Variants in RNF38 observed in about 807,000 individuals in gnomAD.
RNF38 encodes E3 ubiquitin-protein ligase RNF38.
Under a neutral mutation model 67.2 loss-of-function variants are expected in RNF38, and 15 were observed. The ratio of observed to expected loss-of-function variants is 0.22; its 90% CI spans 0.15 to 0.34. The LOEUF (loss-of-function observed/expected upper bound fraction) is 0.34, where lower values mean the gene tolerates loss of function less well. Among genes scored for constraint, RNF38 ranks in the 10% least tolerant of loss-of-function variants. The probability of loss-of-function intolerance (pLI) is 1.00; values close to 1 mark genes in which losing one functional copy is unlikely to be tolerated. For missense variants in RNF38, 524 were observed against 639.9 expected (o/e 0.82, Z 1.95); for synonymous variants, 220 against 218.8 (o/e 1.01, Z -0.05).
rs146253215 is a variant in RNF38, at chr9:36,377,300, T to A, written c.163-1173A>T. On this transcript the variant is annotated intron_variant, in intron 2 of 11. Transcript: ENST00000259605. ...ACAGTACTTTTGGTTGCAAAATAAT[T>A]AGTACCTGCAGCTACCATAAAAATC... Among the ~76,000 whole-genome samples the A allele has an allele frequency of 1.5e-3, 225 of 152,330 alleles. No homozygotes were observed. In the East Asian group the frequency reaches 0.019, roughly 13 times the overall value.
chr9:36,432,776 A>C (rs1395221411), intron 1 of RNF38, among the ~76,000 whole-genome samples: 1 of 152,150 alleles, frequency 6.6e-6, no homozygotes, highest in African/African-American at 2.4e-5. Flanking sequence ...AGACTCAAAA[A>C]ACAAACAACA....
At chr9:36,448,087 T>C (rs1839350548) in intron 1 of RNF38, among the ~76,000 whole-genome samples, 1 of 151,752 alleles carries the variant, frequency 6.6e-6, no homozygotes, top group Non-Finnish European at 1.5e-5. Context: ...AAAGGGGAGG[T>C]GACTTACCCA....
At chr9:36,371,606 CCA>C (rs1275129443) in intron 3 of RNF38, among the ~76,000 whole-genome samples, 3 of 151,938 alleles carry the variant, frequency 2.0e-5, no homozygotes, top group African/African-American at 7.3e-5. Flanking sequence ...ACCACCAAGC[CCA>C]GTTAATTTTT....
upstream of RNF38, chr9:36,400,886 C>T (rs951774600): frequency 2.0e-6 from 2 of 985,060 alleles, no homozygotes; most frequent in South Asian, 9.1e-5. Context: ...GGGGCCCGGC[C>T]CGGCCACGCC....
chr9:36,476,022 A>G (rs899942849), intron 1 of RNF38, among the ~76,000 whole-genome samples: 1 of 151,880 alleles, frequency 6.6e-6, no homozygotes, highest in Non-Finnish European at 1.5e-5. Context: ...AAAAAAAAAA[A>G]AAAAGAAAGA....
At chr9:36,361,848 G>A (rs1339971914) in intron 4 of RNF38, among the ~76,000 whole-genome samples, 1 of 152,060 alleles carries the variant, frequency 6.6e-6, no homozygotes, top group African/African-American at 2.4e-5. Context: ...ACTCCTGCTT[G>A]GAGGTTTATG....
At chr9:36,388,457 C>G (rs775811088) in intron 2 of RNF38, among the ~76,000 whole-genome samples, 3 of 151,912 alleles carry the variant, frequency 2.0e-5, no homozygotes, top group Non-Finnish European at 4.4e-5. Context: ...AATGACAGAA[C>G]TGATAAATAA....
intron 4 of RNF38, among the ~76,000 whole-genome samples, chr9:36,367,998 C>A (rs1163900347): frequency 6.6e-6 from 1 of 152,084 alleles, no homozygotes; most frequent in Non-Finnish European, 1.5e-5. Flanking sequence ...ATTACAGGTG[C>A]CTGCCATCAC....
chr9:36,400,879 G>C (rs372408527), upstream of RNF38: 1 of 984,358 alleles, frequency 1.0e-6, no homozygotes, highest in African/African-American at 1.8e-5. Flanking sequence ...CGCACTAGGG[G>C]CCCGGCCCGG....
At chr9:36,364,647 T>C (rs764404963) in intron 4 of RNF38, among the ~76,000 whole-genome samples, 7 of 152,224 alleles carry the variant, frequency 4.6e-5, no homozygotes, top group East Asian at 1.9e-4. Context: ...TTTATTACCA[T>C]AGTTTTATAA....
intron 2 of RNF38, among the ~76,000 whole-genome samples, chr9:36,385,807 G>A (rs1443752189): frequency 1.3e-5 from 2 of 152,172 alleles, no homozygotes; most frequent in Non-Finnish European, 1.5e-5. Flanking sequence ...AGTTCTTCTC[G>A]TTGAATTCTT....
At chr9:36,452,293 T>G (rs1322962221) in intron 1 of RNF38, among the ~76,000 whole-genome samples, 1 of 152,146 alleles carries the variant, frequency 6.6e-6, no homozygotes, top group African/African-American at 2.4e-5. Context: ...CAGTCACCAC[T>G]AATTCTAGAA....
intron 3 of RNF38, among the ~76,000 whole-genome samples, chr9:36,374,583 C>T (rs961390315): frequency 2.6e-5 from 4 of 152,186 alleles, no homozygotes; most frequent in Admixed American, 1.3e-4. Flanking sequence ...CAAGCAATTC[C>T]CCTGCCTCAG....
intron 2 of RNF38, among the ~76,000 whole-genome samples, chr9:36,411,798 G>A (rs1284901178): frequency 6.6e-6 from 1 of 151,772 alleles, no homozygotes; most frequent in East Asian, 1.9e-4. Context: ...TCAAACTCCT[G>A]ACTTCAAGTG....
rs1356895863 is a variant in RNF38, at chr9:36,337,176, T to G, written c.*2576A>C. Reference sequence around the variant, plus strand: ...CAATGGCTGGGCACAAATAAACTTCTCTTTTGCTAGCCACAGAGTTGCTCA... The same window carrying G: ...CAATGGCTGGGCACAAATAAACTTCGCTTTTGCTAGCCACAGAGTTGCTCA... On this transcript the variant is annotated 3_prime_UTR_variant, in exon 12 of 12. Coordinates refer to ENST00000259605, the MANE Select transcript of RNF38 (RefSeq NM_022781.5). 5 of 152,180 alleles carry G rather than the reference T, an allele frequency of 3.3e-5. No homozygotes were observed. The highest frequency in any genetic ancestry group is 7.2e-5 in the African/African-American group (3 of 41,458). The allele number at this position is 152,180 out of a possible 1,614,324, so 9.4% of individuals were successfully genotyped here. A position where few individuals can be genotyped will look rare whatever the true frequency, so the allele number is the denominator to read the frequency against.
intron 1 of RNF38, among the ~76,000 whole-genome samples, chr9:36,463,837 C>T (rs1173790610): frequency 6.6e-6 from 1 of 152,154 alleles, no homozygotes; most frequent in African/African-American, 2.4e-5. Context: ...CTAGCTCACA[C>T]TTACTCTTTT....
chr9:36,444,759 C>T (rs1036232730), intron 1 of RNF38, among the ~76,000 whole-genome samples: 5 of 152,052 alleles, frequency 3.3e-5, no homozygotes, highest in African/African-American at 9.7e-5. Flanking sequence ...GAGATCGCAC[C>T]ACTGCACTCC....
chr9:36,378,630 C>T (rs1835964784), intron 2 of RNF38, among the ~76,000 whole-genome samples: 1 of 152,208 alleles, frequency 6.6e-6, no homozygotes. Context: ...AAAATGGAGG[C>T]GAATGCTACA....
chr9:36,450,453 T>C (rs1454835224), intron 1 of RNF38, among the ~76,000 whole-genome samples: 1 of 152,180 alleles, frequency 6.6e-6, no homozygotes, highest in African/African-American at 2.4e-5. Flanking sequence ...TACATAACTA[T>C]AAATTTCTAC....
Sources: gnomAD v4.1 joint callset for allele counts (sites outside exome capture counted in the v4.1 genomes callset) on GRCh38, gnomAD v4.1.1 for gene constraint, MANE v1.5 for transcripts, NCBI Gene and HGNC (gene_info 2026-07-23, HGNC 2026-07-21) for gene names.